The following SRGAP2 variants were observed in gnomAD, a reference collection of about 807,000 sequenced individuals.
The protein encoded by SRGAP2 is SLIT-ROBO Rho GTPase activating protein 2, also known as SLIT-ROBO Rho GTPase-activating protein 2.
A neutral mutation model predicts 57.2 loss-of-function variants in SRGAP2; 15 were observed. The ratio of observed to expected loss-of-function variants is 0.26; its 90% confidence interval spans 0.18 to 0.40. The LOEUF (loss-of-function observed/expected upper bound fraction) is 0.40. SRGAP2 is among the 10% of genes least tolerant of loss of function. The pLI, the probability that SRGAP2 is intolerant of heterozygous loss-of-function variation, is 1.00. For synonymous variants in SRGAP2, 249 were observed against 248.0 expected, an observed-to-expected ratio of 1.00 and a Z score of -0.04; for missense variants, 520 against 669.6, an observed-to-expected ratio of 0.78 and a Z score of 2.47.
chr1:206,389,481 C>T (rs573952155), intron 5 of SRGAP2, among the ~76,000 whole-genome samples: 33 of 152,098 alleles, frequency 2.2e-4, no homozygotes, highest in Admixed American at 6.5e-4. Flanking sequence ...CCGGCCTGTT[C>T]TCAGACTTTC....
chr1:206,446,304 G>A lies in SRGAP2; in HGVS notation c.2099+5G>A, dbSNP rs782014140. ...AGGAAGCATGGAGGATTACTGGTAG[G>A]GGGGCTTGGGACGGGAGGAGGGGAG... On this transcript the variant is annotated splice_donor_5th_base_variant and intron_variant, in intron 18 of 22. Coordinates refer to ENST00000573034, the MANE Select transcript of SRGAP2 (RefSeq NM_015326.5). 2.6e-6 allele frequency: 2 copies of A among 780,612 alleles called. No homozygotes were observed. The highest frequency in any genetic ancestry group is 1.3e-5 in the South Asian group (1 of 74,602). 48.4% of individuals were successfully genotyped at this position (780,612 alleles called of 1,614,324 possible). A position where few individuals can be genotyped will look rare whatever the true frequency, so the allele number is the denominator to read the frequency against.
rs570851954 is a variant in SRGAP2, at chr1:206,454,386, G to T, written c.2361-492G>T. On this transcript the variant is annotated intron_variant, in intron 20 of 22. Coordinates refer to ENST00000573034, the MANE Select transcript of SRGAP2 (RefSeq NM_015326.5). The surrounding 1 kb of genome is among the most constrained non-coding windows in gnomAD (Gnocchi z 4.3). ...AGAGCAGTGGAGAGACCTGGGACCG[G>T]CTTGGATGCTCTGAGCGGGGCTAGA... is the stretch of plus-strand genomic sequence containing the variant. The T allele has an allele frequency of 1.5e-5, 9 of 590,904 alleles. No homozygotes were observed. The highest frequency in any genetic ancestry group is 2.7e-5 in the Non-Finnish European group (9 of 332,498). The allele number at this position is 590,904 out of a possible 1,614,324, so 36.6% of individuals were successfully genotyped here.
At chr1:206,453,660 C>T (rs1663547816) in intron 20 of SRGAP2, 2 of 301,070 alleles carry the variant, frequency 6.6e-6, no homozygotes, top group Non-Finnish European at 1.2e-5. Flanking sequence ...CAGCACTCAT[C>T]CATATTTATA....
chr1:206,314,326 G>C (rs1672910691), intron 3 of SRGAP2, among the ~76,000 whole-genome samples: 2 of 152,068 alleles, frequency 1.3e-5, no homozygotes, highest in South Asian at 4.1e-4. Context: ...TAGAGACAGG[G>C]CTTCTCCATG....
chr1:206,440,704 G>A (rs543847356), intron 17 of SRGAP2, among the ~76,000 whole-genome samples: 3 of 151,976 alleles, frequency 2.0e-5, no homozygotes, highest in Non-Finnish European at 2.9e-5. Context: ...ATGCCACCAC[G>A]CCCAGCTAAT....
intron 5 of SRGAP2, among the ~76,000 whole-genome samples, chr1:206,385,872 C>T (rs1321552977): frequency 6.6e-6 from 1 of 152,056 alleles, no homozygotes; most frequent in African/African-American, 2.4e-5. Context: ...CTGAGAATTG[C>T]CTGAGTGTGG....
chr1:206,247,098 T>TA (rs1668543538), intron 2 of SRGAP2, among the ~76,000 whole-genome samples: 1 of 139,120 alleles, frequency 7.2e-6, no homozygotes, highest in Non-Finnish European at 1.6e-5. Context: ...CAGCAGCATT[T>TA]CACTTTTAAT....
chr1:206,410,463 C>A (rs1659118436), intron 10 of SRGAP2, among the ~76,000 whole-genome samples: 1 of 152,182 alleles, frequency 6.6e-6, no homozygotes, highest in African/African-American at 2.4e-5. Flanking sequence ...TATAAAGTTT[C>A]TTTTCATTCC....
chr1:206,326,702 C>T (rs567679845), intron 3 of SRGAP2, among the ~76,000 whole-genome samples: 2 of 152,180 alleles, frequency 1.3e-5, no homozygotes, highest in African/African-American at 4.8e-5. Context: ...TCTAGACCAT[C>T]TTGAAAGTCC....
intron 19 of SRGAP2, among the ~76,000 whole-genome samples, chr1:206,450,947 TAAAA>T (rs371400613): frequency 1.4e-5 from 2 of 143,582 alleles, no homozygotes; most frequent in African/African-American, 2.6e-5. Context: ...CCCTGTCTCT[TAAAA>T]AAAAAAAAAA....
chr1:206,241,361 T>A (rs1668218932), intron 2 of SRGAP2, among the ~76,000 whole-genome samples: 1 of 151,694 alleles, frequency 6.6e-6, no homozygotes, highest in African/African-American at 2.4e-5. Flanking sequence ...CTTTTCTACC[T>A]CTGCTGGTTA....
intron 18 of SRGAP2, 81 bp from the exon 19 acceptor site, chr1:206,450,305 G>T (rs1031182472): frequency 8.1e-6 from 6 of 736,746 alleles, no homozygotes; most frequent in South Asian, 5.8e-5. Context: ...GTGCCCTCGC[G>T]CCAGGGAGGC....
At chr1:206,318,655 G>T (rs1157492415) in intron 3 of SRGAP2, among the ~76,000 whole-genome samples, 1 of 152,174 alleles carries the variant, frequency 6.6e-6, no homozygotes, top group Non-Finnish European at 1.5e-5. Context: ...GTCTGCTTCT[G>T]GTGAGGCCTC....
intron 2 of SRGAP2, among the ~76,000 whole-genome samples, chr1:206,254,128 G>A (rs1295414806): frequency 1.9e-5 from 2 of 106,282 alleles, no homozygotes; most frequent in Non-Finnish European, 3.7e-5. Flanking sequence ...GTAGGCAGAA[G>A]CCTTGCCTAA....
chr1:206,319,554 CCTT>C (rs1673321615), intron 3 of SRGAP2, among the ~76,000 whole-genome samples: 2 of 144,664 alleles, frequency 1.4e-5, no homozygotes, highest in East Asian at 4.0e-4. Context: ...GCTTAGGAAA[CCTT>C]CTACTTTACA....
Position 206,386,968 on chromosome 1 carries a change from T to C in SRGAP2, c.486+2892T>C, listed in dbSNP as rs533798373. ...TGAAAACCCATCTCTACTAAAAATG[T>C]ATTAAAAACTAGCCAGGCATGGTGG... is the stretch of plus-strand genomic sequence containing the variant. On this transcript the variant is annotated intron_variant, in intron 5 of 22. Coordinates refer to ENST00000573034, the MANE Select transcript of SRGAP2 (RefSeq NM_015326.5). 1.3e-5 allele frequency among the ~76,000 whole-genome samples: 2 copies of C among 148,356 alleles called. 1 individual carries two copies. Among genetic ancestry groups the C allele is most frequent in the African/African-American group, 5.0e-5 (2 of 40,174 alleles).
chr1:206,284,784 G>A (rs1571760070), intron 2 of SRGAP2, among the ~76,000 whole-genome samples: 1 of 151,892 alleles, frequency 6.6e-6, no homozygotes, highest in East Asian at 1.9e-4. Context: ...CACTATGACT[G>A]TACATTTTAT....
chr1:206,449,326 C>G (rs1386283303), intron 18 of SRGAP2, among the ~76,000 whole-genome samples: 1 of 129,578 alleles, frequency 7.7e-6, no homozygotes, highest in Non-Finnish European at 1.6e-5. Flanking sequence ...GGATCTTGCT[C>G]TGTCACCCAG....
chr1:206,402,297 G>T (rs1392885084), intron 8 of SRGAP2, among the ~76,000 whole-genome samples: 4 of 152,030 alleles, frequency 2.6e-5, no homozygotes, highest in Non-Finnish European at 5.9e-5. Context: ...CCAGACAGGG[G>T]AGCATGAACA....
Sources: gnomAD v4.1 joint callset for allele counts (sites outside exome capture counted in the v4.1 genomes callset) on GRCh38, gnomAD v4.1.1 for gene constraint, Gnocchi (gnomAD v3.1) non-coding constraint, MANE v1.5 for transcripts, NCBI Gene and HGNC (gene_info 2026-07-23, HGNC 2026-07-21) for gene names.